The following VWCE variants were observed in gnomAD, a reference collection of about 807,000 sequenced individuals.
The protein encoded by VWCE is von Willebrand factor C and EGF domains, also known as von Willebrand factor C and EGF domain-containing protein.
A neutral mutation model predicts 102.9 loss-of-function variants in VWCE; 68 were observed. The observed-to-expected ratio is 0.66, with a 90% CI of 0.54 to 0.81. The LOEUF (loss-of-function observed/expected upper bound fraction) is 0.81. Among genes scored for constraint, VWCE ranks in the 30% least tolerant of loss-of-function variants. The pLI is 0.00. For synonymous variants in VWCE, 497 were observed against 515.4 expected, an observed-to-expected ratio of 0.96 and a Z score of 0.48; for missense variants, 1,137 against 1,263.6, an observed-to-expected ratio of 0.90 and a Z score of 1.52.
Position 61,273,288 on chromosome 11 carries a change from G to C in VWCE, c.1610C>G (p.Pro537Arg), listed in dbSNP as rs200475251. Residue 537 changes from proline to arginine, a missense_variant, in exon 13 of 20, where the codon CCC (proline) becomes CGC (arginine). Physicochemically the swap from Pro to Arg is moderately radical, Grantham distance 103 (BLOSUM62 -2). Coordinates refer to ENST00000335613, the MANE Select transcript of VWCE (RefSeq NM_152718.2). Reference sequence around the variant, plus strand: ...TCGGGGGCAGGCCAGCTCAGGGCAGGGCATGAAGGAGCACTCCACCTCCCC... The same window carrying C: ...TCGGGGGCAGGCCAGCTCAGGGCAGCGCATGAAGGAGCACTCCACCTCCCC... Reference protein sequence around the residue: ...QNGEVECSFMPCPELACPREE... With the variant: ...QNGEVECSFMRCPELACPREE... 6.2e-7 allele frequency: 1 copy of C among 1,613,142 alleles called. No individual in the cohort carries two copies. The highest frequency in any genetic ancestry group is 8.5e-7 in the Non-Finnish European group (1 of 1,179,592).
At position 61,258,875 on chromosome 11, in the gene VWCE, G is replaced by C. The variant is rs1015880176; in HGVS notation, c.2668C>G (p.Leu890Val). Residue 890 changes from leucine (L) to valine (V), a missense_variant, in exon 20 of 20, where the codon CTG becomes GTG. Leu to Val is a conservative substitution (Grantham distance 32, BLOSUM62 1). Coordinates refer to ENST00000335613, the MANE Select transcript of VWCE (RefSeq NM_152718.2). ...GAQIVSRWPP[L>V]PGTLLTEASA... ...GCTTCCGTCAGGAGGGTGCCAGGCAGAGGAGGCCACCTGGACACTATCTGG... is the reference window on the plus strand; with the variant it reads ...GCTTCCGTCAGGAGGGTGCCAGGCACAGGAGGCCACCTGGACACTATCTGG... 7.9e-6 allele frequency: 12 copies of C among 1,519,890 alleles called. No homozygotes were observed. Among genetic ancestry groups the C allele is most frequent in the African/African-American group, 1.4e-5 (1 of 71,688 alleles). The allele number at this position is 1,519,890 out of a possible 1,614,324, so 94.2% of individuals were successfully genotyped here.
intron 4 of VWCE, among the ~76,000 whole-genome samples, chr11:61,288,839 GT>G (rs34247864): frequency 0.011 from 1,490 of 133,960 alleles, 15 homozygotes; most frequent in African/African-American, 0.034. Context: ...TTTATGGCGC[GT>G]TTTTTTTTTT....
chr11:61,269,336 C>G (rs999763948), intron 14 of VWCE: 2 of 363,044 alleles, frequency 5.5e-6, no homozygotes, highest in Non-Finnish European at 5.2e-6. Context: ...TCCCTGGAAC[C>G]CTGGCTCACC....
chr11:61,280,658 G>C lies in VWCE; in HGVS notation c.1290C>G (p.Pro430=). The C allele has an allele frequency of 6.2e-7, 1 of 1,614,072 alleles. No individual in the cohort carries two copies. The highest frequency in any genetic ancestry group is 8.5e-7 in the Non-Finnish European group (1 of 1,180,012). ...ATGGGCAGCACCCACCATCTCTGGA[G>C]GGAATTGGGTGGGAACAAGCAGCTT... ...RCEAACSHPI[P]SRDGGCCPSC... is the part of the protein sequence containing the mutation. Residue 430 remains proline, a synonymous_variant, in exon 9 of 20, where the codon CCC becomes CCG. Coordinates refer to ENST00000335613, the MANE Select transcript of VWCE (RefSeq NM_152718.2).
At chr11:61,287,377 C>T (rs963795945) in intron 4 of VWCE, among the ~76,000 whole-genome samples, 3 of 152,226 alleles carry the variant, frequency 2.0e-5, no homozygotes, top group Non-Finnish European at 2.9e-5. Context: ...CCAAACGTTT[C>T]CAATGGCCCT....
chr11:61,284,774 C>T (rs566730093), intron 5 of VWCE, among the ~76,000 whole-genome samples: 1 of 152,154 alleles, frequency 6.6e-6, no homozygotes, highest in South Asian at 2.1e-4. Context: ...ATGGTGAAAC[C>T]TCATCTCTAC....
Position 61,291,339 on chromosome 11 carries a change from C to A in VWCE, c.220G>T (p.Gly74Cys). 2.5e-6 allele frequency: 4 copies of A among 1,613,124 alleles called. No individual in the cohort carries two copies. The highest frequency in any genetic ancestry group is 3.4e-6 in the Non-Finnish European group (4 of 1,179,604). ...GHCTLPLCSF[G>C]CGSGICIAPN... is the part of the protein sequence containing the mutation. ...GCGATGCAGATGCCACTCCCACAGC[C>A]GAAGGAGCAGAGGGCTGAGAGGAGA... The change falls in exon 3 of 20, where the codon GGC (glycine) becomes TGC (cysteine). Residue 74 changes from glycine to cysteine, a missense_variant. Coordinates refer to ENST00000335613, the MANE Select transcript of VWCE (RefSeq NM_152718.2).
chr11:61,271,582 G>A, intron 14 of VWCE, 93 bp downstream of exon 14: 3 of 1,282,146 alleles, frequency 2.3e-6, no homozygotes, highest in Non-Finnish European at 1.1e-6. Flanking sequence ...GCCAGCCTGA[G>A]GCCAGCCTCT....
chr11:61,277,738 G>A (rs1854971412), intron 10 of VWCE, among the ~76,000 whole-genome samples: 4 of 152,106 alleles, frequency 2.6e-5, no homozygotes, highest in African/African-American at 7.2e-5. Context: ...GCAGAATAGG[G>A]GCAGTAAAGC....
At chr11:61,263,900 A>G in intron 19 of VWCE, among the ~76,000 whole-genome samples, 1 of 152,176 alleles carries the variant, frequency 6.6e-6, no homozygotes, top group East Asian at 1.9e-4. Context: ...AAGAAAGCAT[A>G]GGAAGAGGTT....
intron 1 of VWCE, among the ~76,000 whole-genome samples, chr11:61,293,633 A>G (rs577431761): frequency 3.9e-5 from 6 of 152,224 alleles, no homozygotes; most frequent in African/African-American, 1.2e-4. Context: ...CCCCTTCCCA[A>G]TGGTGTTCCA....
At chr11:61,268,087 A>AAAAT (rs1228077566) in intron 15 of VWCE, among the ~76,000 whole-genome samples, 4 of 150,860 alleles carry the variant, frequency 2.7e-5, no homozygotes, top group African/African-American at 7.3e-5. Flanking sequence ...AAAATAAAAT[A>AAAAT]AAATAAATAA....
At chr11:61,270,720 C>G (rs1053145732) in intron 14 of VWCE, among the ~76,000 whole-genome samples, 11 of 152,160 alleles carry the variant, frequency 7.2e-5, no homozygotes, top group African/African-American at 1.9e-4. Flanking sequence ...TCAGGCTACC[C>G]CACTCCCTCA....
At chr11:61,281,662 T>C in intron 7 of VWCE, 124 bp downstream of exon 7, 14 of 1,247,302 alleles carry the variant, frequency 1.1e-5, no homozygotes, top group Non-Finnish European at 1.5e-5. Context: ...GGCCAGGAGC[T>C]GAGAGGGCGT....
At chr11:61,263,055 C>A (rs932629379) in intron 19 of VWCE, among the ~76,000 whole-genome samples, 1 of 152,168 alleles carries the variant, frequency 6.6e-6, no homozygotes, top group Non-Finnish European at 1.5e-5. Context: ...GCCTGTAATC[C>A]CAGTGCCTTG....
intron 12 of VWCE, 39 bp downstream of exon 12, chr11:61,274,460 C>T: frequency 6.3e-7 from 1 of 1,595,626 alleles, no homozygotes; most frequent in Non-Finnish European, 8.6e-7. Context: ...CTCCCCTCTC[C>T]ATCAATTCCA....
At chr11:61,265,501 A>G (rs1854487561) in intron 16 of VWCE, among the ~76,000 whole-genome samples, 2 of 152,230 alleles carry the variant, frequency 1.3e-5, no homozygotes, top group Admixed American at 1.3e-4. Context: ...AAAACCCGAT[A>G]GAGAAAGATC....
intron 9 of VWCE, among the ~76,000 whole-genome samples, chr11:61,279,088 C>T (rs775059131): frequency 1.5e-4 from 23 of 151,998 alleles, no homozygotes; most frequent in Non-Finnish European, 2.8e-4. Context: ...CATCCAGCTT[C>T]GTTAACCAGC....
At chr11:61,289,411 AGCTAGTTTT>A (rs1855429660) in intron 4 of VWCE, among the ~76,000 whole-genome samples, 1 of 151,544 alleles carries the variant, frequency 6.6e-6, no homozygotes, top group Non-Finnish European at 1.5e-5. Flanking sequence ...CCACTACACC[AGCTAGTTTT>A]TGTGTTTTTA....
Sources: allele counts gnomAD v4.1 joint callset (sites outside exome capture counted in the v4.1 genomes callset), GRCh38; gene constraint gnomAD v4.1.1; transcripts MANE v1.5; gene names NCBI Gene and HGNC (gene_info 2026-07-23, HGNC 2026-07-21).